CDH13: variants seen among roughly 807,000 people sequenced by gnomAD.
CDH13 encodes the protein cadherin-13.
In CDH13, 24 loss-of-function variants were observed where a neutral mutation model predicts 63.8. The observed-to-expected ratio is 0.38, with a 90% CI of 0.27 to 0.53. The LOEUF is 0.53. Ranked by LOEUF, CDH13 falls within the 20% of genes least tolerant of loss-of-function variation. The pLI, the probability that CDH13 is intolerant of heterozygous loss-of-function variation, is 0.85. For synonymous variants in CDH13, 503 were observed against 355.3 expected, an observed-to-expected ratio of 1.42 and a Z score of -4.67; for missense variants, 1,049 against 903.1, an observed-to-expected ratio of 1.16 and a Z score of -2.07.
chr16:82,785,550 A>G lies in CDH13; in HGVS notation c.46-72812A>G, dbSNP rs189220673. Among the ~76,000 whole-genome samples the G allele has an allele frequency of 1.7e-3, 257 of 152,306 alleles. 1 individual carries two copies. The highest frequency in any genetic ancestry group is 5.8e-3 in the African/African-American group (241 of 41,562). Reference sequence around the variant, plus strand: ...CAAGATAAATCACTCCAAGTAAATGACTAATTAATCATGCACTTGATTTTA... The same window carrying G: ...CAAGATAAATCACTCCAAGTAAATGGCTAATTAATCATGCACTTGATTTTA... On this transcript the variant is annotated intron_variant, in intron 1 of 13. Transcript: ENST00000567109.
chr16:82,829,312 A>T (rs1397902502), intron 1 of CDH13: 1 of 151,986 alleles, frequency 6.6e-6, no homozygotes, highest in African/African-American at 2.4e-5. Flanking sequence ...AACCTTTCAT[A>T]CCGCCTGACT....
At chr16:82,799,626 A>G (rs904694022) in intron 1 of CDH13, among the ~76,000 whole-genome samples, 1 of 152,214 alleles carries the variant, frequency 6.6e-6, no homozygotes, top group African/African-American at 2.4e-5. Context: ...TCCATCAGTG[A>G]CCTTGGGAGA....
At chr16:83,604,739 T>C (rs1408723868) in intron 8 of CDH13, among the ~76,000 whole-genome samples, 4 of 152,186 alleles carry the variant, frequency 2.6e-5, no homozygotes, top group African/African-American at 4.8e-5. Context: ...CATTGTAATA[T>C]TCAATATAAA....
intron 13 of CDH13, among the ~76,000 whole-genome samples, chr16:83,794,540 G>A (rs1383428737): frequency 6.6e-6 from 1 of 152,178 alleles, no homozygotes; most frequent in African/African-American, 2.4e-5. Context: ...GCAACAGAAT[G>A]AGACCCTGTC....
intron 13 of CDH13, among the ~76,000 whole-genome samples, chr16:83,788,816 G>A (rs1273939034): frequency 6.6e-6 from 1 of 152,166 alleles, no homozygotes; most frequent in Non-Finnish European, 1.5e-5. Flanking sequence ...GGGCACCTGT[G>A]TGTAAAGTCG....
chr16:82,907,567 C>G (rs1452452052), intron 2 of CDH13, among the ~76,000 whole-genome samples: 1 of 152,198 alleles, frequency 6.6e-6, no homozygotes, highest in Non-Finnish European at 1.5e-5. Context: ...GCAAAACAGT[C>G]CATGCTTGCA....
At chr16:82,742,695 T>C (rs1371656982) in intron 1 of CDH13, among the ~76,000 whole-genome samples, 1 of 152,200 alleles carries the variant, frequency 6.6e-6, no homozygotes, top group Non-Finnish European at 1.5e-5. Flanking sequence ...AGGAATATGA[T>C]GTATAATTTC....
chr16:82,769,938 C>A lies in CDH13; in HGVS notation c.46-88424C>A, dbSNP rs999088443. ...CGAGCCCATGAATGCATGGTGCATA[C>A]GGCACAGACAAAGATAACTGAATTG... is the stretch of plus-strand genomic sequence containing the variant. On this transcript the variant is annotated intron_variant, in intron 1 of 13. Coordinates refer to ENST00000567109, the MANE Select transcript of CDH13 (RefSeq NM_001257.5). Among the ~76,000 whole-genome samples, 3 of 152,320 alleles carry A rather than the reference C, an allele frequency of 2.0e-5. No individual in the cohort carries two copies. The East Asian group carries it at 5.8e-4, about 29-fold the overall frequency.
rs1430359877 is a variant in CDH13, at chr16:83,795,450, C to G, written c.*420C>G. ...TAGAGAGAGACTATCCTGGAGAAGC[C>G]TCGTTTTGATGCCATTCTTCCTTGC... On this transcript the variant is annotated 3_prime_UTR_variant, in exon 14 of 14. Transcript: ENST00000567109. 6.2e-6 allele frequency: 1 copy of G among 161,062 alleles called. No homozygotes were observed. The highest frequency in any genetic ancestry group is 2.4e-5 in the African/African-American group (1 of 41,512). The allele number at this position is 161,062 out of a possible 1,614,324, so 10.0% of individuals were successfully genotyped here. A position where few individuals can be genotyped will look rare whatever the true frequency, so the allele number is the denominator to read the frequency against.
At chr16:83,457,938 C>T (rs937179720) in intron 6 of CDH13, among the ~76,000 whole-genome samples, 3 of 152,208 alleles carry the variant, frequency 2.0e-5, no homozygotes, top group Admixed American at 6.5e-5. Context: ...GAACCCTCAT[C>T]GGACATACGC....
chr16:83,748,920 G>C (rs1303460009), intron 11 of CDH13, among the ~76,000 whole-genome samples: 2 of 152,170 alleles, frequency 1.3e-5, no homozygotes, highest in Admixed American at 6.5e-5. Context: ...GGCAGAAGGA[G>C]GGCAACCTCT....
At chr16:82,922,154 T>G (rs2042176010) in intron 2 of CDH13, among the ~76,000 whole-genome samples, 1 of 152,198 alleles carries the variant, frequency 6.6e-6, no homozygotes, top group Admixed American at 6.5e-5. Context: ...TCTTCTCTCT[T>G]TTATCTTGGT....
intron 8 of CDH13, among the ~76,000 whole-genome samples, chr16:83,631,814 T>C (rs909566193): frequency 2.0e-5 from 3 of 152,152 alleles, no homozygotes; most frequent in African/African-American, 7.2e-5. Flanking sequence ...AATGAACTTG[T>C]AGGTTGTTGT....
chr16:83,061,864 A>G (rs2031582838), intron 3 of CDH13, among the ~76,000 whole-genome samples: 1 of 152,188 alleles, frequency 6.6e-6, no homozygotes, highest in African/African-American at 2.4e-5. Context: ...TTAATGCCCC[A>G]TGCTAATGTC....
At chr16:82,690,902 T>C (rs1039237301) in intron 1 of CDH13, among the ~76,000 whole-genome samples, 3 of 152,178 alleles carry the variant, frequency 2.0e-5, no homozygotes, top group African/African-American at 7.2e-5. Flanking sequence ...GGGATGAGGA[T>C]GAACGCTCTA....
At chr16:82,897,606 A>G (rs934906062) in intron 2 of CDH13, among the ~76,000 whole-genome samples, 5 of 152,242 alleles carry the variant, frequency 3.3e-5, no homozygotes, top group African/African-American at 1.2e-4. Context: ...TACTCAACCA[A>G]GCTCAACAAC....
chr16:82,949,367 C>T (rs79958725), intron 2 of CDH13, among the ~76,000 whole-genome samples: 3,789 of 152,214 alleles, frequency 0.025, 61 homozygotes, highest in Non-Finnish European at 0.04. Context: ...TATATGGACC[C>T]CACGCATACT....
intron 4 of CDH13, chr16:83,180,771 AC>A: frequency 1.2e-6 from 1 of 831,420 alleles, no homozygotes; most frequent in African/African-American, 1.7e-5. Context: ...TTTAAGACAA[AC>A]AAACAAAGGC....
intron 3 of CDH13, among the ~76,000 whole-genome samples, chr16:83,106,671 G>T (rs1381862774): frequency 6.6e-6 from 1 of 152,174 alleles, no homozygotes; most frequent in Non-Finnish European, 1.5e-5. Context: ...CTTTGACGTG[G>T]GAGGAAAGAA....
Sources: allele counts gnomAD v4.1 joint callset (sites outside exome capture counted in the v4.1 genomes callset), GRCh38; gene constraint gnomAD v4.1.1; transcripts MANE v1.5; gene names NCBI Gene and HGNC (gene_info 2026-07-23, HGNC 2026-07-21).